The following FBXO31 variants were observed in gnomAD, a reference collection of about 807,000 sequenced individuals.
FBXO31 encodes F-box only protein 31.
A neutral mutation model predicts 54.4 loss-of-function variants in FBXO31; 24 were observed. That is an observed-to-expected ratio of 0.44 (90% CI 0.32 to 0.62). The LOEUF (loss-of-function observed/expected upper bound fraction) is 0.62, where lower values mean the gene tolerates loss of function less well. FBXO31 is among the 20% of genes least tolerant of loss of function. FBXO31 has a pLI of 0.05. For synonymous variants in FBXO31, 388 were observed against 335.6 expected (o/e 1.16, Z -1.71); for missense variants, 665 against 787.1 (o/e 0.84, Z 1.86).
At chr16:87,357,951 C>G (rs1039706309) in intron 2 of FBXO31, among the ~76,000 whole-genome samples, 2 of 151,966 alleles carry the variant, frequency 1.3e-5, no homozygotes, top group Non-Finnish European at 2.9e-5. Flanking sequence ...TGCTACCTGC[C>G]TTTGTCTATT....
intron 2 of FBXO31, among the ~76,000 whole-genome samples, chr16:87,348,387 C>T (rs1024110091): frequency 3.3e-5 from 5 of 152,198 alleles, no homozygotes; most frequent in Non-Finnish European, 7.3e-5. Flanking sequence ...TCCCATCATT[C>T]GGGAAGCCTT....
intron 1 of FBXO31, among the ~76,000 whole-genome samples, chr16:87,372,092 C>T (rs1208774636): frequency 6.6e-6 from 1 of 151,886 alleles, no homozygotes; most frequent in Non-Finnish European, 1.5e-5. Flanking sequence ...GGTATGGTGG[C>T]ACATGCATGT....
chr16:87,333,163 C>A (rs187220225), intron 8 of FBXO31, among the ~76,000 whole-genome samples: 66 of 152,330 alleles, frequency 4.3e-4, no homozygotes, highest in Admixed American at 9.8e-4. Flanking sequence ...GCACTGAAGG[C>A]GGTGGCCCAG....
chr16:87,384,789 G>A (rs1907267696), upstream of FBXO31, among the ~76,000 whole-genome samples: 1 of 152,242 alleles, frequency 6.6e-6, no homozygotes, highest in Non-Finnish European at 1.5e-5. Context: ...GATCCCAGGA[G>A]GCCGAGGCTG....
Position 87,331,219 on chromosome 16 carries a change from G to A in FBXO31, c.*69C>T. On this transcript the variant is annotated 3_prime_UTR_variant, in exon 9 of 9. Coordinates refer to ENST00000311635, the MANE Select transcript of FBXO31 (RefSeq NM_024735.5). ...AGGCCGGATTTCCAAAGTGCATGCT[G>A]CTTCTATTCACAGGTCAGAGTTCAG... 1 of 1,500,758 alleles carries A rather than the reference G, an allele frequency of 6.7e-7. No individual in the cohort carries two copies. The highest frequency in any genetic ancestry group is 1.2e-5 in the South Asian group (1 of 85,584). The allele number at this position is 1,500,758 out of a possible 1,614,324, so 93.0% of individuals were successfully genotyped here.
At chr16:87,378,970 A>C (rs565712595) in intron 1 of FBXO31, among the ~76,000 whole-genome samples, 1 of 152,160 alleles carries the variant, frequency 6.6e-6, no homozygotes, top group African/African-American at 2.4e-5. Context: ...TCAAAAAAAA[A>C]AAAAAACAAA....
At chr16:87,350,002 T>C (rs544019957) in intron 2 of FBXO31, among the ~76,000 whole-genome samples, 80 of 152,114 alleles carry the variant, frequency 5.3e-4, no homozygotes, top group African/African-American at 1.3e-3. Flanking sequence ...TCACCAGTAA[T>C]CCCATCACTC....
chr16:87,339,804 G>A (rs1486985765), intron 5 of FBXO31, among the ~76,000 whole-genome samples: 1 of 152,196 alleles, frequency 6.6e-6, no homozygotes, highest in Non-Finnish European at 1.5e-5. Context: ...AGATGAGCCG[G>A]GAACATTCCA....
intron 3 of FBXO31, among the ~76,000 whole-genome samples, chr16:87,344,245 C>T (rs937498802): frequency 9.2e-5 from 14 of 152,344 alleles, no homozygotes; most frequent in South Asian, 2.1e-4. Flanking sequence ...CCCGGAGGGA[C>T]GGACAGCTGA....
rs1294566807 is a variant in FBXO31 at position 87,360,313 on chromosome 16, G to A, written c.394C>T (p.Arg132Trp). ...RKLEITGVSCRDVYAKLLHRY... is the reference protein window; with the variant it reads ...RKLEITGVSCWDVYAKLLHRY... ...CACTCACGCTTCGCATAGACGTCCCGACAAGACACGCCTGTGATCTCCAGC... is the reference window on the plus strand; with the variant it reads ...CACTCACGCTTCGCATAGACGTCCCAACAAGACACGCCTGTGATCTCCAGC... Residue 132 changes from arginine to tryptophan, a missense_variant, in exon 2 of 9, where the codon CGG (arginine) becomes TGG (tryptophan). Physicochemically the swap from Arg to Trp is moderately radical, Grantham distance 101. Around this residue, in one of 4 missense-constraint regions of FBXO31, gnomAD observed 234 missense variants for 346.8 expected, o/e 0.67. Coordinates refer to ENST00000311635, the MANE Select transcript of FBXO31 (RefSeq NM_024735.5). 6 of 1,614,024 alleles carry A rather than the reference G, an allele frequency of 3.7e-6. No homozygotes were observed. The highest frequency in any genetic ancestry group is 1.7e-5 in the Admixed American group (1 of 60,010).
Position 87,383,368 on chromosome 16 carries a change from C to A in FBXO31, c.340+37G>T. 1.4e-6 allele frequency: 2 copies of A among 1,438,578 alleles called. No individual in the cohort carries two copies. The highest frequency in any genetic ancestry group is 2.5e-5 in the South Asian group (2 of 80,418). 89.1% of individuals were successfully genotyped at this position (1,438,578 alleles called of 1,614,324 possible). A position where few individuals can be genotyped will look rare whatever the true frequency, so the allele number is the denominator to read the frequency against. On this transcript the variant is annotated intron_variant, in intron 1 of 8. Coordinates refer to ENST00000311635, the MANE Select transcript of FBXO31 (RefSeq NM_024735.5). The surrounding 1 kb of genome is among the most constrained non-coding windows in gnomAD (Gnocchi z 4.9). ...CGAGGCCTCCACCTGGCAGGGACCC[C>A]CCGCCCCTCCCGGCCCCGCCACCCC...
rs191862370 is a variant in FBXO31 at position 87,329,589 on chromosome 16, G to C, written c.*1699C>G. On this transcript the variant is annotated 3_prime_UTR_variant, in exon 9 of 9. Transcript: ENST00000311635. ...CCTCATTTGGCAAGAGAGAAAAACA[G>C]TGACCACCACAGAGGGCAGGGAGTG... The C allele has an allele frequency of 1.3e-5, 2 of 152,410 alleles. No individual in the cohort carries two copies. Among genetic ancestry groups the C allele is most frequent in the East Asian group, 3.9e-4 (2 of 5,184 alleles). 9.4% of individuals were successfully genotyped at this position (152,410 alleles called of 1,614,324 possible). A position where few individuals can be genotyped will look rare whatever the true frequency, so the allele number is the denominator to read the frequency against.
At chr16:87,363,049 C>A (rs1233928337) in intron 1 of FBXO31, among the ~76,000 whole-genome samples, 3 of 152,004 alleles carry the variant, frequency 2.0e-5, no homozygotes, top group Non-Finnish European at 4.4e-5. Context: ...CTGACTCCTG[C>A]TAGTAATGAC....
chr16:87,370,739 G>A (rs1041314387), intron 1 of FBXO31, among the ~76,000 whole-genome samples: 5 of 152,270 alleles, frequency 3.3e-5, no homozygotes, highest in Admixed American at 2.0e-4. Context: ...CAGAGGGGGC[G>A]GCGAGTGCTG....
At chr16:87,387,017 G>C (rs372692190), upstream of FBXO31, among the ~76,000 whole-genome samples, 25 of 152,226 alleles carry the variant, frequency 1.6e-4, no homozygotes, top group African/African-American at 5.5e-4. Flanking sequence ...AGAAAGAAAA[G>C]GCTGGGAGTG....
At chr16:87,352,600 G>A (rs1567620562) in intron 2 of FBXO31, among the ~76,000 whole-genome samples, 1 of 152,164 alleles carries the variant, frequency 6.6e-6, no homozygotes, top group East Asian at 1.9e-4. Context: ...GTGGGAAGAG[G>A]CCAGGGAAGC....
intron 2 of FBXO31, among the ~76,000 whole-genome samples, chr16:87,351,763 G>A (rs958723548): frequency 6.6e-6 from 1 of 152,150 alleles, no homozygotes; most frequent in African/African-American, 2.4e-5. Context: ...CAGCTACGTG[G>A]GAGGCGGAGG....
chr16:87,340,348 G>A (rs1905154246), intron 5 of FBXO31, among the ~76,000 whole-genome samples: 1 of 152,190 alleles, frequency 6.6e-6, no homozygotes, highest in Non-Finnish European at 1.5e-5. Context: ...ACAGACATAT[G>A]GATCAGAGTA....
rs551387949 is a variant in FBXO31 at position 87,365,855 on chromosome 16, C to T, written c.341-5489G>A. Among the ~76,000 whole-genome samples, 11 of 152,172 alleles carry T rather than the reference C, an allele frequency of 7.2e-5. No individual in the cohort carries two copies. In the East Asian group the frequency reaches 1.7e-3, roughly 24 times the overall value. ...CCAGCCTGGCCAACATGATGAAACC[C>T]GGTCTCTATTGAAAATACAAAAATT... On this transcript the variant is annotated intron_variant, in intron 1 of 8. Coordinates refer to ENST00000311635, the MANE Select transcript of FBXO31 (RefSeq NM_024735.5).
Sources: allele counts gnomAD v4.1 joint callset (sites outside exome capture counted in the v4.1 genomes callset), GRCh38; gene constraint gnomAD v4.1.1; regional missense constraint gnomAD v4.1.1; non-coding constraint Gnocchi (gnomAD v3.1); transcripts MANE v1.5; gene names NCBI Gene and HGNC (gene_info 2026-07-23, HGNC 2026-07-21).